The following CCDC178 variants were observed in gnomAD, a reference collection of about 807,000 sequenced individuals.
CCDC178 encodes coiled-coil domain-containing protein 178.
CCDC178 carries 126 observed loss-of-function variants against 117.4 expected under a neutral mutation model. The ratio of observed to expected loss-of-function variants is 1.07; its 90% CI spans 0.93 to 1.24. The LOEUF is 1.24. Ranked by LOEUF, CCDC178 falls within the 50% of genes most tolerant of loss-of-function variation. CCDC178 has a pLI of 0.00. For synonymous variants in CCDC178, 283 were observed against 313.4 expected (o/e 0.90, Z 1.02); for missense variants, 1,030 against 986.9 (o/e 1.04, Z -0.59).
intron 6 of CCDC178, among the ~76,000 whole-genome samples, chr18:33,369,332 A>T (rs899462721): frequency 2.0e-5 from 3 of 151,892 alleles, no homozygotes; most frequent in African/African-American, 7.2e-5. Flanking sequence ...AAAAGAGGTG[A>T]CATCCTAGAC....
At chr18:33,220,988 G>A (rs1370145511) in intron 18 of CCDC178, among the ~76,000 whole-genome samples, 3 of 151,976 alleles carry the variant, frequency 2.0e-5, no homozygotes, top group Admixed American at 6.6e-5. Flanking sequence ...AACCCACAAA[G>A]CCCTGCGTAC....
intron 21 of CCDC178, among the ~76,000 whole-genome samples, chr18:32,978,182 AAG>A (rs1481341851): frequency 6.6e-6 from 1 of 150,934 alleles, no homozygotes; most frequent in Non-Finnish European, 1.5e-5. Flanking sequence ...TCAACTAAGA[AAG>A]AGTAATATCT....
At chr18:33,289,299 C>A (rs1039170563) in intron 12 of CCDC178, among the ~76,000 whole-genome samples, 1 of 151,908 alleles carries the variant, frequency 6.6e-6, no homozygotes, top group Non-Finnish European at 1.5e-5. Context: ...ATCTTATTTG[C>A]AAGAGGTAGA....
intron 20 of CCDC178, among the ~76,000 whole-genome samples, chr18:33,102,885 C>A (rs2057651449): frequency 6.6e-6 from 1 of 151,828 alleles, no homozygotes; most frequent in Non-Finnish European, 1.5e-5. Flanking sequence ...ACACCTCATA[C>A]TCATTGGTTT....
At chr18:33,408,532 A>G (rs763259696) in intron 3 of CCDC178, among the ~76,000 whole-genome samples, 4 of 151,986 alleles carry the variant, frequency 2.6e-5, no homozygotes, top group African/African-American at 4.8e-5. Flanking sequence ...TATGTAATAT[A>G]TAAAATTAAA....
At chr18:33,416,830 C>T (rs1029133530) in intron 2 of CCDC178, among the ~76,000 whole-genome samples, 2 of 152,126 alleles carry the variant, frequency 1.3e-5, no homozygotes, top group Non-Finnish European at 2.9e-5. Flanking sequence ...CTACCCCTTC[C>T]AGCCAGAAAG....
chr18:33,061,595 C>T (rs1304302500), intron 21 of CCDC178, among the ~76,000 whole-genome samples: 2 of 152,072 alleles, frequency 1.3e-5, no homozygotes, highest in African/African-American at 4.8e-5. Context: ...ATATTAACTA[C>T]TAAATCTCAG....
chr18:33,228,520 T>C (rs1249898477), intron 15 of CCDC178, among the ~76,000 whole-genome samples: 2 of 152,236 alleles, frequency 1.3e-5, no homozygotes, highest in Non-Finnish European at 2.9e-5. Context: ...TGTATTTCTC[T>C]GAAAAGAAGA....
At chr18:33,346,878 G>T (rs2062901850) in intron 8 of CCDC178, among the ~76,000 whole-genome samples, 1 of 152,074 alleles carries the variant, frequency 6.6e-6, no homozygotes, top group African/African-American at 2.4e-5. Flanking sequence ...ACTTAGCTTT[G>T]CCAGGAATTC....
intron 17 of CCDC178, 152 bp from the exon 18 acceptor site, chr18:33,223,371 T>C: frequency 1.1e-6 from 1 of 906,278 alleles, no homozygotes; most frequent in Admixed American, 4.0e-5. Context: ...TACAGAAATA[T>C]ACTGTATATC....
intron 21 of CCDC178, among the ~76,000 whole-genome samples, chr18:33,078,019 A>G (rs566823395): frequency 6.6e-6 from 1 of 152,300 alleles, no homozygotes; most frequent in East Asian, 1.9e-4. Flanking sequence ...GATGAACATT[A>G]ATGCAAAACT....
At chr18:33,430,095 AAG>A (rs2064188125) in intron 2 of CCDC178, among the ~76,000 whole-genome samples, 1 of 152,276 alleles carries the variant, frequency 6.6e-6, no homozygotes, top group African/African-American at 2.4e-5. Flanking sequence ...TGTATCTACA[AAG>A]AGTTATCTAC....
chr18:33,246,278 T>C (rs1035492000), intron 14 of CCDC178, among the ~76,000 whole-genome samples: 3 of 151,672 alleles, frequency 2.0e-5, no homozygotes, highest in African/African-American at 7.3e-5. Context: ...AGGGAGAGCT[T>C]TGAAAGTCAC....
intron 2 of CCDC178, among the ~76,000 whole-genome samples, chr18:33,423,144 CGTT>C (rs1337404516): frequency 2.0e-5 from 3 of 152,024 alleles, no homozygotes; most frequent in Non-Finnish European, 4.4e-5. Context: ...ATAAAAATAA[CGTT>C]GTACCCTATA....
chr18:33,120,143 C>A (rs2057917048), intron 20 of CCDC178, among the ~76,000 whole-genome samples: 1 of 151,806 alleles, frequency 6.6e-6, no homozygotes, highest in Admixed American at 6.6e-5. Flanking sequence ...ATGTAACAAA[C>A]CTGCACGTTA....
chr18:33,259,677 C>T (rs568580451), intron 14 of CCDC178, among the ~76,000 whole-genome samples: 16 of 152,074 alleles, frequency 1.1e-4, no homozygotes, highest in Non-Finnish European at 2.1e-4. Flanking sequence ...CCTCTCCCAA[C>T]ATGTGGGGAT....
rs867819765 is a variant in CCDC178 at position 33,251,947 on chromosome 18, T to C, written c.1410-6519A>G. ...CAGTCTTGAATGTTATTTAAATATG[T>C]GCTTATTTTGATCCAATGTAACTAG... On this transcript the variant is annotated intron_variant, in intron 14 of 22. Transcript: ENST00000383096. Among the ~76,000 whole-genome samples the C allele has an allele frequency of 9.9e-5, 15 of 151,832 alleles. No individual in the cohort carries two copies. The South Asian group carries it at 1.0e-3, about 10-fold the overall frequency.
In CCDC178 at chr18:32,957,123, C is replaced by T. The variant is rs530649056; in HGVS notation, c.2523+17424G>A. 2.0e-5 allele frequency among the ~76,000 whole-genome samples: 3 copies of T among 152,258 alleles called. No homozygotes were observed. In the East Asian group the frequency reaches 5.8e-4, roughly 29 times the overall value. On this transcript the variant is annotated intron_variant, in intron 22 of 22. Coordinates refer to ENST00000383096, the MANE Select transcript of CCDC178 (RefSeq NM_001105528.4). ...TTTTGATCCAAGACAGGGAAAGATG[C>T]CAGCTGGCAACTCTAGAGGCTGAAT... is the stretch of plus-strand genomic sequence containing the variant.
At chr18:33,346,881 A>C (rs965194294) in intron 8 of CCDC178, among the ~76,000 whole-genome samples, 3 of 152,206 alleles carry the variant, frequency 2.0e-5, no homozygotes, top group Admixed American at 2.0e-4. Flanking sequence ...TAGCTTTGCC[A>C]GGAATTCATT....
Sources: allele counts gnomAD v4.1 joint callset (sites outside exome capture counted in the v4.1 genomes callset), GRCh38; gene constraint gnomAD v4.1.1; transcripts MANE v1.5; gene names NCBI Gene and HGNC (gene_info 2026-07-23, HGNC 2026-07-21).